BET1: variants seen among roughly 807,000 people sequenced by gnomAD.
BET1 encodes Bet1 golgi vesicular membrane trafficking protein.
BET1 carries 9 observed loss-of-function variants against 13.9 expected under a neutral mutation model. That is an observed-to-expected ratio of 0.65 (90% CI 0.39 to 1.13). The LOEUF (loss-of-function observed/expected upper bound fraction) is 1.13, where lower values mean the gene tolerates loss of function less well. Ranked by LOEUF, BET1 falls within the 50% of genes most tolerant of loss-of-function variation. The pLI, the probability that BET1 is intolerant of heterozygous loss-of-function variation, is 0.01. For missense variants in BET1, 127 were observed against 133.6 expected (o/e 0.95, Z 0.24); for synonymous variants, 39 against 47.3 (o/e 0.82, Z 0.72).
chr7:93,982,459 T>C (rs1399443775), intron 4 of BET1, among the ~76,000 whole-genome samples: 1 of 152,172 alleles, frequency 6.6e-6, no homozygotes, highest in Non-Finnish European at 1.5e-5. Context: ...TATTTGCTCA[T>C]TCAGTCCATT....
chr7:93,999,671 G>A (rs987149346), intron 1 of BET1: 1 of 457,090 alleles, frequency 2.2e-6, no homozygotes, highest in South Asian at 1.5e-5. Context: ...TTGAAAAAGC[G>A]TGGCTGTGAA....
rs1795714571 is a variant in BET1 at position 93,994,387 on chromosome 7, T to C, written c.202-2A>G. 6.2e-7 allele frequency: 1 copy of C among 1,610,086 alleles called. No individual in the cohort carries two copies. Among genetic ancestry groups the C allele is most frequent in the South Asian group, 1.1e-5 (1 of 90,134 alleles). On this transcript the variant is annotated splice_acceptor_variant, in intron 3 of 3. Transcript: ENST00000222547. LOFTEE classifies it high-confidence loss of function. The stretch of plus-strand genomic sequence containing the variant: ...AGTTGTGGAATCAAATTGTGAATCC[T>C]ATCAGAGATAAAGGCAAATAAAATA...
chr7:93,996,388 A>G lies in BET1; in HGVS notation c.145-67T>C, dbSNP rs13222557. On this transcript the variant is annotated intron_variant, in intron 2 of 3. Transcript: ENST00000222547. Reference sequence around the variant, plus strand: ...TATTCAAGTGTTATAAAGTAAAAATAATGTCATTCTAAGCATACACATTTT... The same window carrying G: ...TATTCAAGTGTTATAAAGTAAAAATGATGTCATTCTAAGCATACACATTTT... 3 of 1,169,290 alleles carry G rather than the reference A, an allele frequency of 2.6e-6. No individual in the cohort carries two copies. In the African/African-American group the frequency reaches 4.9e-5, roughly 19 times the overall value. 72.4% of individuals were successfully genotyped at this position (1,169,290 alleles called of 1,614,324 possible).
chr7:93,992,495 T>C (rs970634848), downstream of BET1: 10 of 985,192 alleles, frequency 1.0e-5, no homozygotes, highest in African/African-American at 1.7e-5. Flanking sequence ...ACTTTAATTA[T>C]TGACAATGAT....
downstream of BET1, chr7:93,992,682 T>G (rs1184924608): frequency 1.0e-6 from 1 of 984,728 alleles, no homozygotes. Flanking sequence ...CTACCTTTTC[T>G]GAGAATTTCT....
chr7:93,975,880 C>T, intron 5 of BET1: 1 of 1,065,520 alleles, frequency 9.4e-7, no homozygotes, highest in Non-Finnish European at 1.2e-6. Flanking sequence ...ATGAGACTAT[C>T]AAATGTACTT....
chr7:93,963,838 A>G (rs1795134745), exon 7 of BET1: 1 of 151,914 alleles, frequency 6.6e-6, no homozygotes, highest in African/African-American at 2.4e-5. Flanking sequence ...ACAATTTCAG[A>G]CTCCTGACCT....
chr7:93,997,363 C>T (rs1465143474), intron 2 of BET1, among the ~76,000 whole-genome samples: 2 of 152,190 alleles, frequency 1.3e-5, no homozygotes, highest in Admixed American at 6.5e-5. Flanking sequence ...GCCCACATTA[C>T]TCAACTTCTA....
chr7:93,997,636 T>C (rs555720988), intron 2 of BET1, among the ~76,000 whole-genome samples: 9 of 152,200 alleles, frequency 5.9e-5, no homozygotes, highest in African/African-American at 2.4e-5. Flanking sequence ...AAAGACTATA[T>C]TGAAATACCA....
downstream of BET1, among the ~76,000 whole-genome samples, chr7:93,989,847 T>A (rs62466704): frequency 7.5e-3 from 1,147 of 152,282 alleles, 7 homozygotes; most frequent in Middle Eastern, 0.027. Context: ...ATTTAAATTA[T>A]TTAGCCATGA....
At chr7:94,002,355 A>G (rs980425069) in intron 1 of BET1, among the ~76,000 whole-genome samples, 1 of 151,970 alleles carries the variant, frequency 6.6e-6, no homozygotes, top group African/African-American at 2.4e-5. Flanking sequence ...GAAAAGAAAA[A>G]ATGTGTAACA....
chr7:93,970,535 T>C (rs1795244771), intron 6 of BET1, among the ~76,000 whole-genome samples: 1 of 151,830 alleles, frequency 6.6e-6, no homozygotes, highest in African/African-American at 2.4e-5. Flanking sequence ...AATGCAAATA[T>C]ATAGTCATAA....
At chr7:93,991,429 T>C (rs1351746848), downstream of BET1, among the ~76,000 whole-genome samples, 3 of 152,222 alleles carry the variant, frequency 2.0e-5, no homozygotes, top group African/African-American at 4.8e-5. Flanking sequence ...AACCACAGTG[T>C]ACTGAATTTA....
chr7:94,000,663 TA>T lies in BET1; in HGVS notation c.20-1370del, dbSNP rs541759624. Among the ~76,000 whole-genome samples, 143 of 152,258 alleles carry T rather than the reference TA, an allele frequency of 9.4e-4. 1 individual carries two copies. Among genetic ancestry groups the T allele is most frequent in the African/African-American group, 3.1e-3 (129 of 41,536 alleles). On this transcript the variant is annotated intron_variant, in intron 1 of 3. Coordinates refer to ENST00000222547, the MANE Select transcript of BET1 (RefSeq NM_005868.6). ...TCCAGGAGAAGGTGGATGGTTGGAC[TA>T]ATCTATAGTTGGAAGCTTATAATAT...
intron 4 of BET1, among the ~76,000 whole-genome samples, chr7:93,987,572 G>GT (rs1300187620): frequency 6.6e-6 from 1 of 152,026 alleles, no homozygotes; most frequent in South Asian, 2.1e-4. Context: ...CTGGGTTTCC[G>GT]TATCTGGTTT....
intron 4 of BET1, among the ~76,000 whole-genome samples, chr7:93,984,322 A>T (rs1476566903): frequency 6.6e-6 from 1 of 152,150 alleles, no homozygotes; most frequent in Non-Finnish European, 1.5e-5. Context: ...ATCTGCAATG[A>T]TGCTATTTCC....
chr7:93,993,710 A>T lies in BET1; in HGVS notation c.*520T>A. The stretch of plus-strand genomic sequence containing the variant: ...GTCATTATCATCAAAAATTATTAGG[A>T]AGATTGTAGGTAAAAAGAAATCAGC... On this transcript the variant is annotated 3_prime_UTR_variant, in exon 4 of 4. Transcript: ENST00000222547. The T allele has an allele frequency of 7.4e-7, 1 of 1,357,708 alleles. No individual in the cohort carries two copies. Among genetic ancestry groups the T allele is most frequent in the Non-Finnish European group, 9.4e-7 (1 of 1,060,946 alleles). The allele number at this position is 1,357,708 out of a possible 1,614,324, so 84.1% of individuals were successfully genotyped here.
At chr7:93,965,268 C>T (rs900992690) in exon 7 of BET1, 5 of 151,718 alleles carry the variant, frequency 3.3e-5, no homozygotes, top group Admixed American at 6.6e-5. Flanking sequence ...CTAATAATTA[C>T]ACTGCTCATT....
At chr7:93,987,113 GTTTTTGT>G (rs1225026928) in intron 4 of BET1, 4 of 151,582 alleles carry the variant, frequency 2.6e-5, no homozygotes, top group East Asian at 3.9e-4. Flanking sequence ...GGGTTTTTTT[GTTTTTGT>G]TTTTTGTTTT....
Sources: gnomAD v4.1 joint callset for allele counts (sites outside exome capture counted in the v4.1 genomes callset) on GRCh38, gnomAD v4.1.1 for gene constraint, MANE v1.5 for transcripts, NCBI Gene and HGNC (gene_info 2026-07-23, HGNC 2026-07-21) for gene names.